Variants in SEMA5A observed in about 807,000 individuals in gnomAD.
SEMA5A encodes semaphorin 5A, also known as semaphorin-5A.
SEMA5A carries 55 observed loss-of-function variants against 135.5 expected under a neutral mutation model. The observed-to-expected ratio is 0.41, with a 90% CI of 0.33 to 0.51. The LOEUF is 0.51. Among genes scored for constraint, SEMA5A ranks in the 20% least tolerant of loss-of-function variants. The pLI is 0.37. For missense variants in SEMA5A, 1,290 were observed against 1,419.9 expected (o/e 0.91, Z 1.47); for synonymous variants, 580 against 546.5 (o/e 1.06, Z -0.85).
At chr5:9,412,974 G>GGT (rs1174095739) in intron 2 of SEMA5A, among the ~76,000 whole-genome samples, 1 of 152,066 alleles carries the variant, frequency 6.6e-6, no homozygotes, top group Non-Finnish European at 1.5e-5. Flanking sequence ...AACAATCTCT[G>GGT]GTGTTTCGTT....
At chr5:9,456,173 A>T (rs138219849) in intron 1 of SEMA5A, among the ~76,000 whole-genome samples, 1 of 152,370 alleles carries the variant, frequency 6.6e-6, no homozygotes, top group East Asian at 1.9e-4. Flanking sequence ...TCCACTCACC[A>T]GCTTCATCTG....
At chr5:9,509,846 T>C (rs1388005647) in intron 1 of SEMA5A, among the ~76,000 whole-genome samples, 4 of 152,162 alleles carry the variant, frequency 2.6e-5, no homozygotes, top group African/African-American at 9.7e-5. Context: ...CCCCCTCTTC[T>C]AGGAAATGGG....
At chr5:9,140,590 C>T (rs1444328030) in intron 12 of SEMA5A, among the ~76,000 whole-genome samples, 1 of 152,172 alleles carries the variant, frequency 6.6e-6, no homozygotes, top group African/African-American at 2.4e-5. Flanking sequence ...GAGATCGAAT[C>T]TGAGAGTGTC....
intron 3 of SEMA5A, among the ~76,000 whole-genome samples, chr5:9,360,641 C>T (rs774013138): frequency 1.1e-4 from 17 of 152,154 alleles, no homozygotes; most frequent in Admixed American, 5.9e-4. Context: ...TAATAGGACA[C>T]ACTGGGTGCA....
At chr5:9,314,512 G>A (rs1263635391) in intron 5 of SEMA5A, among the ~76,000 whole-genome samples, 2 of 151,898 alleles carry the variant, frequency 1.3e-5, no homozygotes, top group East Asian at 1.9e-4. Context: ...TTTTTTCAGT[G>A]TGCCTAGCAG....
intron 5 of SEMA5A, among the ~76,000 whole-genome samples, chr5:9,262,897 A>T (rs1440020953): frequency 2.9e-5 from 1 of 34,034 alleles, no homozygotes; most frequent in African/African-American, 1.1e-4. Flanking sequence ...AGATTATAAT[A>T]AAAAAAAAAA....
At chr5:9,521,235 C>G (rs1361504806) in intron 1 of SEMA5A, among the ~76,000 whole-genome samples, 4 of 152,100 alleles carry the variant, frequency 2.6e-5, no homozygotes, top group Admixed American at 6.5e-5. Flanking sequence ...CATGGCGAAA[C>G]CCCATCTCTA....
intron 1 of SEMA5A, among the ~76,000 whole-genome samples, chr5:9,468,387 C>T (rs1478859641): frequency 1.3e-5 from 2 of 152,114 alleles, no homozygotes; most frequent in African/African-American, 4.8e-5. Flanking sequence ...ATGGTGACTC[C>T]TACATACTAA....
intron 2 of SEMA5A, among the ~76,000 whole-genome samples, chr5:9,388,327 T>C (rs1230329214): frequency 1.3e-5 from 2 of 152,094 alleles, no homozygotes; most frequent in African/African-American, 4.8e-5. Flanking sequence ...GGAGGAACGA[T>C]AAAAATAAAT....
chr5:9,255,088 T>C (rs1342044976), intron 5 of SEMA5A, among the ~76,000 whole-genome samples: 3 of 152,132 alleles, frequency 2.0e-5, no homozygotes, highest in Admixed American at 6.5e-5. Flanking sequence ...ATCCAAATGA[T>C]GATAGTATGA....
At chr5:9,112,927 C>T (rs1740318250) in intron 15 of SEMA5A, among the ~76,000 whole-genome samples, 1 of 152,182 alleles carries the variant, frequency 6.6e-6, no homozygotes, top group Non-Finnish European at 1.5e-5. Context: ...GTGAGAAGGA[C>T]CCAGTTGTCA....
At chr5:9,270,653 C>G (rs1178343823) in intron 5 of SEMA5A, among the ~76,000 whole-genome samples, 1 of 151,928 alleles carries the variant, frequency 6.6e-6, no homozygotes, top group Non-Finnish European at 1.5e-5. Context: ...TTCCAATATA[C>G]CTAGAAAGCA....
chr5:9,125,167 G>T (rs913814578), intron 13 of SEMA5A, among the ~76,000 whole-genome samples: 18 of 152,116 alleles, frequency 1.2e-4, no homozygotes, highest in African/African-American at 4.3e-4. Flanking sequence ...AAATCCAATT[G>T]CTATAATTAT....
chr5:9,298,391 C>T (rs1751445447), intron 5 of SEMA5A, among the ~76,000 whole-genome samples: 1 of 152,150 alleles, frequency 6.6e-6, no homozygotes, highest in Non-Finnish European at 1.5e-5. Flanking sequence ...TATGGCCCTG[C>T]CAACACTTGA....
intron 1 of SEMA5A, chr5:9,512,179 A>G (rs887743283): frequency 7.9e-5 from 12 of 152,202 alleles, no homozygotes; most frequent in African/African-American, 2.9e-4. Flanking sequence ...GTCTCAAAGC[A>G]TAAGAGCATA....
chr5:9,075,944 C>T (rs374800477), intron 16 of SEMA5A, among the ~76,000 whole-genome samples: 111 of 152,140 alleles, frequency 7.3e-4, no homozygotes, highest in African/African-American at 2.3e-3. Context: ...TGGTGGCTCA[C>T]GCCTGTAATC....
intron 2 of SEMA5A, among the ~76,000 whole-genome samples, chr5:9,396,097 C>T (rs924151244): frequency 6.6e-6 from 1 of 152,010 alleles, no homozygotes; most frequent in Non-Finnish European, 1.5e-5. Context: ...AGGAAGCTAC[C>T]CACACGAGAA....
chr5:9,454,970 T>C (rs1430194944), intron 1 of SEMA5A, among the ~76,000 whole-genome samples: 2 of 152,244 alleles, frequency 1.3e-5, no homozygotes, highest in Non-Finnish European at 2.9e-5. Context: ...TTGCAAATCC[T>C]AGAAGACTAA....
chr5:9,378,446 C>G (rs916601459), intron 3 of SEMA5A, among the ~76,000 whole-genome samples: 13 of 152,178 alleles, frequency 8.5e-5, no homozygotes, highest in African/African-American at 2.2e-4. Context: ...TGGATATGCT[C>G]TGCCTCCTGA....
Sources: gnomAD v4.1 joint callset for allele counts (sites outside exome capture counted in the v4.1 genomes callset) on GRCh38, gnomAD v4.1.1 for gene constraint, MANE v1.5 for transcripts, NCBI Gene and HGNC (gene_info 2026-07-23, HGNC 2026-07-21) for gene names.